SYNPO2: variants seen among roughly 807,000 people sequenced by gnomAD.
SYNPO2 encodes synaptopodin 2.
SYNPO2 carries 56 observed loss-of-function variants against 85.0 expected under a neutral mutation model. That is an observed-to-expected ratio of 0.66 (90% CI 0.53 to 0.82). SYNPO2 has a LOEUF of 0.82. SYNPO2 is among the 40% of genes least tolerant of loss of function. The probability of loss-of-function intolerance (pLI) is 0.00; values close to 1 mark genes in which losing one functional copy is unlikely to be tolerated. For synonymous variants in SYNPO2, 602 were observed against 591.1 expected, an observed-to-expected ratio of 1.02 and a Z score of -0.27; for missense variants, 1,575 against 1,534.2, an observed-to-expected ratio of 1.03 and a Z score of -0.44.
At chr4:118,952,067 T>G (rs1484689341) in intron 1 of SYNPO2, among the ~76,000 whole-genome samples, 1 of 152,148 alleles carries the variant, frequency 6.6e-6, no homozygotes, top group Non-Finnish European at 1.5e-5. Flanking sequence ...ACAATTATCC[T>G]CTGTCTTGAA....
At chr4:119,040,791 C>T (rs1738685421) in intron 4 of SYNPO2, among the ~76,000 whole-genome samples, 2 of 152,206 alleles carry the variant, frequency 1.3e-5, no homozygotes, top group South Asian at 4.1e-4. Context: ...CTGAGACTAC[C>T]CCACTTCAGA....
chr4:119,038,053 C>A, intron 4 of SYNPO2: 1 of 805,260 alleles, frequency 1.2e-6, no homozygotes, highest in Non-Finnish European at 1.5e-6. Flanking sequence ...GTGCAACAAT[C>A]ACTAAGCTTA....
At chr4:118,862,924 C>A (rs1383230909) in intron 1 of SYNPO2, among the ~76,000 whole-genome samples, 1 of 152,090 alleles carries the variant, frequency 6.6e-6, no homozygotes, top group Non-Finnish European at 1.5e-5. Flanking sequence ...GATTCTCCTG[C>A]CTCAGCCTCC....
chr4:119,009,539 C>T (rs183899009), intron 1 of SYNPO2, among the ~76,000 whole-genome samples: 1 of 152,136 alleles, frequency 6.6e-6, no homozygotes, highest in East Asian at 1.9e-4. Flanking sequence ...TACACACACA[C>T]ATAAACATAA....
rs562771105 is a variant in SYNPO2 at position 119,039,649 on chromosome 4, C to T, written c.3252+7622C>T. Reference sequence around the variant, plus strand: ...TAGACCACACGCCTCAAACACCTACCGCTTCCAGCCAACCAGCATCACATA... The same window carrying T: ...TAGACCACACGCCTCAAACACCTACTGCTTCCAGCCAACCAGCATCACATA... On this transcript the variant is annotated intron_variant, in intron 4 of 4. Coordinates refer to ENST00000307142, the MANE Select transcript of SYNPO2 (RefSeq NM_133477.3). Among the ~76,000 whole-genome samples the T allele has an allele frequency of 2.1e-4, 32 of 152,230 alleles. No homozygotes were observed. The South Asian group carries it at 4.4e-3, about 21-fold the overall frequency.
At chr4:118,896,828 GA>G (rs1293275749) in intron 1 of SYNPO2, among the ~76,000 whole-genome samples, 1 of 152,136 alleles carries the variant, frequency 6.6e-6, no homozygotes, top group Non-Finnish European at 1.5e-5. Context: ...CATTGTGAAT[GA>G]AAAATTGTGT....
chr4:118,998,991 G>C (rs964359485), intron 1 of SYNPO2, among the ~76,000 whole-genome samples: 1 of 152,206 alleles, frequency 6.6e-6, no homozygotes, highest in Non-Finnish European at 1.5e-5. Context: ...TTGACCGTGT[G>C]ATCTTGGGCA....
At chr4:118,901,647 A>C (rs1206459177) in intron 1 of SYNPO2, among the ~76,000 whole-genome samples, 1 of 152,246 alleles carries the variant, frequency 6.6e-6, no homozygotes, top group Non-Finnish European at 1.5e-5. Context: ...ATTTCCTTGA[A>C]ACTAGATAAT....
At position 119,037,712 on chromosome 4, in the gene SYNPO2, A is replaced by G. The variant is rs1015882422; in HGVS notation, c.3252+5685A>G. 1.1e-5 allele frequency: 10 copies of G among 946,062 alleles called. No individual in the cohort carries two copies. In the African/African-American group the frequency reaches 1.8e-4, roughly 17 times the overall value. 58.6% of individuals were successfully genotyped at this position (946,062 alleles called of 1,614,324 possible). A position where few individuals can be genotyped will look rare whatever the true frequency, so the allele number is the denominator to read the frequency against. ...TTAAATATTTTACATAAGTTTTGATAATAGCTAACATTAGCTGAGCACAAA... is the reference window on the plus strand; with the variant it reads ...TTAAATATTTTACATAAGTTTTGATGATAGCTAACATTAGCTGAGCACAAA... On this transcript the variant is annotated intron_variant, in intron 4 of 4. Transcript: ENST00000307142.
intron 1 of SYNPO2, among the ~76,000 whole-genome samples, chr4:118,894,194 G>A (rs1387388326): frequency 2.6e-5 from 4 of 151,878 alleles, no homozygotes; most frequent in East Asian, 1.9e-4. Context: ...AGGGCTTGAC[G>A]GGTGGTGGCA....
intron 1 of SYNPO2, among the ~76,000 whole-genome samples, chr4:118,953,867 C>T (rs917709764): frequency 5.9e-5 from 9 of 152,096 alleles, no homozygotes; most frequent in African/African-American, 2.2e-4. Context: ...CCAGTGAACT[C>T]CTCTCTAACA....
chr4:118,868,348 AATAACATTAC>A (rs1210626855), intron 1 of SYNPO2, among the ~76,000 whole-genome samples: 1 of 152,144 alleles, frequency 6.6e-6, no homozygotes, highest in Admixed American at 6.5e-5. Context: ...TTCTTATAAT[AATAACATTAC>A]ATTTTAAAAT....
chr4:118,945,947 T>C (rs956038280), intron 1 of SYNPO2, among the ~76,000 whole-genome samples: 1 of 152,134 alleles, frequency 6.6e-6, no homozygotes, highest in Non-Finnish European at 1.5e-5. Flanking sequence ...GGTTTCACCA[T>C]GTTGGCCAGG....
intron 1 of SYNPO2, among the ~76,000 whole-genome samples, chr4:118,875,910 C>A (rs1489511678): frequency 6.6e-6 from 1 of 152,206 alleles, no homozygotes; most frequent in Non-Finnish European, 1.5e-5. Flanking sequence ...TGCAATTAAA[C>A]CACATACATA....
At chr4:119,034,091 C>A (rs1738396403) in intron 4 of SYNPO2, 1 of 985,402 alleles carries the variant, frequency 1.0e-6, no homozygotes, top group Non-Finnish European at 1.2e-6. Flanking sequence ...GCAATCTATT[C>A]ATTATATAAC....
At chr4:118,997,219 G>A (rs1273938164) in intron 1 of SYNPO2, among the ~76,000 whole-genome samples, 1 of 117,204 alleles carries the variant, frequency 8.5e-6, no homozygotes, top group Non-Finnish European at 1.7e-5. Context: ...CAGCCTGGGC[G>A]ACAGAGCGAG....
intron 1 of SYNPO2, among the ~76,000 whole-genome samples, chr4:118,892,714 A>G (rs527896563): frequency 6.6e-6 from 1 of 152,144 alleles, no homozygotes; most frequent in South Asian, 2.1e-4. Context: ...ATGTTTTAAT[A>G]TAGTTAGAAA....
In SYNPO2 at chr4:118,889,051, TTTTATC is replaced by T; in HGVS notation, c.17_22del (p.Phe6_Ile7del). On this transcript the variant is annotated inframe_deletion, in exon 1 of 5. Coordinates refer to ENST00000307142, the MANE Select transcript of SYNPO2 (RefSeq NM_133477.3). The stretch of plus-strand genomic sequence containing the variant: ...AAAAGGAAAACATGGGCACAGGGGA[TTTTATC>T]TGCATTTCCATGACTGGAGGGGCGC... The T allele has an allele frequency of 1.2e-6, 2 of 1,614,084 alleles. No homozygotes were observed. Among genetic ancestry groups the T allele is most frequent in the Non-Finnish European group, 1.7e-6 (2 of 1,179,994 alleles).
chr4:119,056,504 C>A (rs1205636342), intron 4 of SYNPO2, among the ~76,000 whole-genome samples: 1 of 151,928 alleles, frequency 6.6e-6, no homozygotes, highest in African/African-American at 2.4e-5. Flanking sequence ...CTGCAGTGAG[C>A]CATGATCATG....
Sources: gnomAD v4.1 joint callset for allele counts (sites outside exome capture counted in the v4.1 genomes callset) on GRCh38, gnomAD v4.1.1 for gene constraint, MANE v1.5 for transcripts, NCBI Gene and HGNC (gene_info 2026-07-23, HGNC 2026-07-21) for gene names.